The following POMT1 variants were observed in gnomAD, a reference collection of about 807,000 sequenced individuals.
POMT1 encodes the protein protein O-mannosyltransferase 1.
POMT1 carries 85 observed loss-of-function variants against 101.6 expected under a neutral mutation model. That is an observed-to-expected ratio of 0.84 (90% CI 0.70 to 1.00). The LOEUF is 1.00. Ranked by LOEUF, POMT1 falls within the 50% of genes least tolerant of loss-of-function variation. The pLI, the probability that POMT1 is intolerant of heterozygous loss-of-function variation, is 0.00. For synonymous variants in POMT1, 371 were observed against 383.0 expected (o/e 0.97, Z 0.37); for missense variants, 857 against 930.4 (o/e 0.92, Z 1.03).
intron 12 of POMT1, among the ~76,000 whole-genome samples, chr9:131,514,361 T>TG (rs561538678): frequency 6.3e-4 from 96 of 152,300 alleles, no homozygotes; most frequent in Middle Eastern, 3.4e-3. Context: ...GCGGGCCCCT[T>TG]GGGGGCTTCA....
At position 131,522,283 on chromosome 9, in the gene POMT1, A is replaced by G; in HGVS notation, c.2003+59A>G. ...GCAGCAGCCCTCTGCTGGGAAGCCCATGCGCAGCAAACACATGGGGTGCAG... is the reference window on the plus strand; with the variant it reads ...GCAGCAGCCCTCTGCTGGGAAGCCCGTGCGCAGCAAACACATGGGGTGCAG... On this transcript the variant is annotated intron_variant, in intron 19 of 19. Coordinates refer to ENST00000402686, the MANE Select transcript of POMT1 (RefSeq NM_001077365.2). This position sits in a 1 kb window ranked among gnomAD's most constrained non-coding sequence, Gnocchi z 5.5. 1 of 1,604,416 alleles carries G rather than the reference A, an allele frequency of 6.2e-7. No individual in the cohort carries two copies. The highest frequency in any genetic ancestry group is 8.5e-7 in the Non-Finnish European group (1 of 1,179,242).
chr9:131,521,947 G>A (rs1950012324), intron 18 of POMT1, 100 bp from the exon 19 acceptor site: 1 of 1,584,340 alleles, frequency 6.3e-7, no homozygotes, highest in Non-Finnish European at 8.5e-7. Context: ...AACCAGCCTG[G>A]GCAACATAGT....
intron 13 of POMT1, among the ~76,000 whole-genome samples, chr9:131,517,147 C>T (rs552808572): frequency 2.0e-5 from 3 of 152,336 alleles, no homozygotes; most frequent in South Asian, 2.1e-4. Flanking sequence ...TTTCTGCCTA[C>T]GCAGGCTCAG....
At chr9:131,516,814 C>G (rs1948784657) in intron 13 of POMT1, 1 of 152,324 alleles carries the variant, frequency 6.6e-6, no homozygotes, top group Non-Finnish European at 1.5e-5. Context: ...AGCCACCCCT[C>G]TGCCACCATG....
intron 13 of POMT1, among the ~76,000 whole-genome samples, chr9:131,516,208 A>G (rs78989878): frequency 1.7e-3 from 194 of 116,988 alleles, no homozygotes; most frequent in Middle Eastern, 7.9e-3. Flanking sequence ...TTCCTCACAC[A>G]GAGCACTTCC....
chr9:131,512,698 G>T lies in POMT1; in HGVS notation c.1083-541G>T, dbSNP rs142921022. On this transcript the variant is annotated intron_variant, in intron 11 of 19. Transcript: ENST00000402686. ...ACGATCTCGGCTCACTGCAACCTCC[G>T]CTTCCCGGGTTCAAGTGATTCTCCT... Among the ~76,000 whole-genome samples, 13 of 151,984 alleles carry T rather than the reference G, an allele frequency of 8.6e-5. No individual in the cohort carries two copies. In the East Asian group the frequency reaches 2.5e-3, roughly 29 times the overall value.
intron 4 of POMT1, 53 bp from the exon 5 acceptor site, chr9:131,507,315 A>C: frequency 6.2e-7 from 1 of 1,612,596 alleles, no homozygotes. Context: ...TGCAGTACAC[A>C]GAGATGGTGT....
At chr9:131,520,467 T>A (rs906850703) in intron 17 of POMT1, among the ~76,000 whole-genome samples, 1 of 152,228 alleles carries the variant, frequency 6.6e-6, no homozygotes, top group African/African-American at 2.4e-5. Flanking sequence ...TTTTAAGATA[T>A]TCCCATTCAA....
rs115243626 is a variant in POMT1 at position 131,520,204 on chromosome 9, G to A, written c.1698+11G>A. On this transcript the variant is annotated intron_variant, in intron 17 of 19. Coordinates refer to ENST00000402686, the MANE Select transcript of POMT1 (RefSeq NM_001077365.2). Reference sequence around the variant, plus strand: ...CACCCCAGGACCAGCGTAAGCGAGCGATGCTGACAGCTGACAGTCATAGAT... The same window carrying A: ...CACCCCAGGACCAGCGTAAGCGAGCAATGCTGACAGCTGACAGTCATAGAT... 9.4e-6 allele frequency: 15 copies of A among 1,593,308 alleles called. No individual in the cohort carries two copies. In the African/African-American group the frequency reaches 1.7e-4, roughly 19 times the overall value.
rs1946768710 is a variant in POMT1, at chr9:131,510,071, T to C, written c.699+75T>C. On this transcript the variant is annotated intron_variant, in intron 8 of 19. Transcript: ENST00000402686. Reference sequence around the variant, plus strand: ...TGCAGATGTCACAGGGGGTACTTGGTGAAAAGACTCCAATCCTCAATGTTT... The same window carrying C: ...TGCAGATGTCACAGGGGGTACTTGGCGAAAAGACTCCAATCCTCAATGTTT... 2 of 1,613,946 alleles carry C rather than the reference T, an allele frequency of 1.2e-6. No individual in the cohort carries two copies. Among genetic ancestry groups the C allele is most frequent in the African/African-American group, 2.7e-5 (2 of 74,932 alleles).
chr9:131,522,350 C>T lies in POMT1; in HGVS notation c.2003+126C>T. ...CACGTTACACTGACATCCTCCGGGT[C>T]CCTCCGGGGAATGGGTGAGGTTCAG... On this transcript the variant is annotated intron_variant, in intron 19 of 19. Transcript: ENST00000402686. The surrounding 1 kb of genome is among the most constrained non-coding windows in gnomAD (Gnocchi z 5.5). 2 of 1,513,906 alleles carry T rather than the reference C, an allele frequency of 1.3e-6. No individual in the cohort carries two copies. Among genetic ancestry groups the T allele is most frequent in the African/African-American group, 1.4e-5 (1 of 72,954 alleles). 93.8% of individuals were successfully genotyped at this position (1,513,906 alleles called of 1,614,324 possible). A position where few individuals can be genotyped will look rare whatever the true frequency, so the allele number is the denominator to read the frequency against.
intron 13 of POMT1, chr9:131,516,607 G>A (rs1001706684): frequency 1.3e-5 from 2 of 152,772 alleles, no homozygotes; most frequent in Non-Finnish European, 2.9e-5. Flanking sequence ...TGTTTTCACA[G>A]GGAACCGATG....
Position 131,507,483 on chromosome 9 carries a change from C to T in POMT1, c.396C>T (p.Ala132=), listed in dbSNP as rs375288218. 27 of 1,614,014 alleles carry T rather than the reference C, an allele frequency of 1.7e-5. No individual in the cohort carries two copies. In the African/African-American group the frequency reaches 2.7e-4, roughly 16 times the overall value. The change falls in exon 5 of 20, where the codon GCC becomes GCT. Residue 132 remains alanine, a synonymous_variant. Transcript: ENST00000402686. ...IVLELHFSHC[A]AMGAALLMLI... Reference sequence around the variant, plus strand: ...TGGAGCTCCACTTTTCTCATTGTGCCGCCATGGGAGCTGCTCTGTTGATGC... The same window carrying T: ...TGGAGCTCCACTTTTCTCATTGTGCTGCCATGGGAGCTGCTCTGTTGATGC...
chr9:131,503,869 G>C lies in POMT1; in HGVS notation c.-30-320G>C, dbSNP rs774267733. Among the ~76,000 whole-genome samples, 1 of 152,174 alleles carries C rather than the reference G, an allele frequency of 6.6e-6. No individual in the cohort carries two copies. The highest frequency in any genetic ancestry group is 2.4e-5 in the African/African-American group (1 of 41,440). ...GTGGCCGCACTGTGGGCTTCTGGTC[G>C]TCGGGGAGGGAGGGGAGAAACCCTG... On this transcript the variant is annotated intron_variant, in intron 1 of 19. Transcript: ENST00000402686. The surrounding 1 kb of genome is among the most constrained non-coding windows in gnomAD (Gnocchi z 4.4).
At chr9:131,508,569 T>G (rs1946380412) in intron 5 of POMT1, among the ~76,000 whole-genome samples, 2 of 151,714 alleles carry the variant, frequency 1.3e-5, no homozygotes, top group East Asian at 3.9e-4. Context: ...TGTGGTGGCA[T>G]GCGCCTATAG....
intron 17 of POMT1, among the ~76,000 whole-genome samples, chr9:131,520,596 T>G (rs1028596966): frequency 6.6e-6 from 1 of 152,178 alleles, no homozygotes; most frequent in Non-Finnish European, 1.5e-5. Context: ...GCCCCATAAA[T>G]ATTCACTGAA....
At chr9:131,515,357 G>C in intron 12 of POMT1, 69 bp from the exon 13 acceptor site, 1 of 1,504,072 alleles carries the variant, frequency 6.6e-7, no homozygotes, top group Non-Finnish European at 9.3e-7. Flanking sequence ...TTTCCTGCCT[G>C]AAAGATTTAG....
At chr9:131,514,820 G>T (rs758608121) in intron 12 of POMT1, among the ~76,000 whole-genome samples, 1 of 152,216 alleles carries the variant, frequency 6.6e-6, no homozygotes, top group Non-Finnish European at 1.5e-5. Flanking sequence ...GCCAGGCATG[G>T]TGGCATGTGC....
rs1950098536 is a variant in POMT1 at position 131,522,303 on chromosome 9, G to T, written c.2003+79G>T. On this transcript the variant is annotated intron_variant, in intron 19 of 19. Coordinates refer to ENST00000402686, the MANE Select transcript of POMT1 (RefSeq NM_001077365.2). This position sits in a 1 kb window ranked among gnomAD's most constrained non-coding sequence, Gnocchi z 5.5. ...AGCCCATGCGCAGCAAACACATGGG[G>T]TGCAGCGAACCTCACCCATTTCACG... The T allele has an allele frequency of 3.8e-6, 6 of 1,594,266 alleles. No homozygotes were observed. In the Admixed American group the frequency reaches 8.5e-5, roughly 23 times the overall value.
Sources: allele counts gnomAD v4.1 joint callset (sites outside exome capture counted in the v4.1 genomes callset), GRCh38; gene constraint gnomAD v4.1.1; non-coding constraint Gnocchi (gnomAD v3.1); transcripts MANE v1.5; gene names NCBI Gene and HGNC (gene_info 2026-07-23, HGNC 2026-07-21).